ABCA5: variants seen among roughly 807,000 people sequenced by gnomAD.
ABCA5 encodes cholesterol transporter ABCA5.
In ABCA5, 163 loss-of-function variants were observed where a neutral mutation model predicts 206.0. The observed-to-expected ratio is 0.79, with a 90% CI of 0.70 to 0.90. The LOEUF is 0.90. Ranked by LOEUF, ABCA5 falls within the 40% of genes least tolerant of loss-of-function variation. The pLI is 0.00. For missense variants in ABCA5, 1,859 were observed against 1,912.9 expected (o/e 0.97, Z 0.53); for synonymous variants, 609 against 613.8 (o/e 0.99, Z 0.11).
intron 15 of ABCA5, 100 bp downstream of exon 15, chr17:69,287,513 G>A (rs1348554929): frequency 1.7e-5 from 24 of 1,410,872 alleles, no homozygotes; most frequent in Non-Finnish European, 2.1e-5. Context: ...ATACCACTAG[G>A]TAAAAGCTTC....
chr17:69,262,461 A>G (rs1022159183), intron 24 of ABCA5, among the ~76,000 whole-genome samples: 1 of 151,998 alleles, frequency 6.6e-6, no homozygotes, highest in African/African-American at 2.4e-5. Context: ...TTTAGCTCCC[A>G]TTTATAAGTG....
chr17:69,306,817 A>C lies in ABCA5; in HGVS notation c.696T>G (p.Phe232Leu). ...LIYLVIAFSP[F>L]GYFLAIHIVA... ...CGATATGAATTGCCAAAAAGTATCC[A>C]AAAGGTGAAAATGCTATAACTAGGT... The change falls in exon 6 of 39, where the codon TTT becomes TTG. Residue 232 changes from phenylalanine to leucine, a missense_variant. By Grantham distance (22) the Phe-to-Leu change is conservative. Transcript: ENST00000392676. 6.3e-7 allele frequency: 1 copy of C among 1,598,696 alleles called. No homozygotes were observed. Among genetic ancestry groups the C allele is most frequent in the South Asian group, 1.1e-5 (1 of 87,816 alleles).
Position 69,291,196 on chromosome 17 carries a change from C to A in ABCA5, c.1606+20G>T. Reference sequence around the variant, plus strand: ...AATATATATAATGAAGTTTTTTTTTCTTTAAGACAGAAAACTCACCATCAG... The same window carrying A: ...AATATATATAATGAAGTTTTTTTTTATTTAAGACAGAAAACTCACCATCAG... On this transcript the variant is annotated intron_variant, in intron 12 of 38. Transcript: ENST00000392676. The A allele has an allele frequency of 7.0e-7, 1 of 1,421,002 alleles. No homozygotes were observed. Among genetic ancestry groups the A allele is most frequent in the Non-Finnish European group, 9.6e-7 (1 of 1,046,076 alleles). 88.0% of individuals were successfully genotyped at this position (1,421,002 alleles called of 1,614,324 possible).
chr17:69,259,685 A>T lies in ABCA5; in HGVS notation c.3731+21T>A, dbSNP rs1350361682. 2.0e-6 allele frequency: 3 copies of T among 1,513,688 alleles called. No individual in the cohort carries two copies. In the Admixed American group the frequency reaches 5.3e-5, roughly 27 times the overall value. 93.8% of individuals were successfully genotyped at this position (1,513,688 alleles called of 1,614,324 possible). A position where few individuals can be genotyped will look rare whatever the true frequency, so the allele number is the denominator to read the frequency against. ...TGTAAATATACTAAAAACATTTAAA[A>T]TTTTTAAAAAATCAACTGACCTGAA... On this transcript the variant is annotated intron_variant, in intron 28 of 38. Transcript: ENST00000392676.
chr17:69,274,528 T>C (rs1272731384), intron 19 of ABCA5, among the ~76,000 whole-genome samples: 1 of 151,536 alleles, frequency 6.6e-6, no homozygotes, highest in Non-Finnish European at 1.5e-5. Context: ...CCAGCCTACA[T>C]TGGTATAGAT....
At chr17:69,284,916 A>G (rs2075433608) in intron 17 of ABCA5, among the ~76,000 whole-genome samples, 1 of 152,210 alleles carries the variant, frequency 6.6e-6, no homozygotes, top group South Asian at 2.1e-4. Context: ...TGTGAAATCC[A>G]GTGAAATACC....
At position 69,253,614 on chromosome 17, in the gene ABCA5, T is replaced by C. The variant is rs2075041472; in HGVS notation, c.4374A>G (p.Glu1458=). The change falls in exon 34 of 39, where the codon GAA becomes GAG. Residue 1458 remains glutamate, a synonymous_variant. Coordinates refer to ENST00000392676, the MANE Select transcript of ABCA5 (RefSeq NM_172232.4). ...CTTTGGGATCCATACCTGTAGATGG[T>C]TCATCTAGCAAAGTAATCTGAGGAT... ...LGNPQITLLD[E]PSTGMDPKAK... 2.5e-6 allele frequency: 4 copies of C among 1,613,844 alleles called. No individual in the cohort carries two copies. Among genetic ancestry groups the C allele is most frequent in the Non-Finnish European group, 3.4e-6 (4 of 1,179,840 alleles).
In ABCA5 at chr17:69,289,905, A is replaced by G. The variant is rs773410478; in HGVS notation, c.1739T>C (p.Leu580Ser). 1.2e-6 allele frequency: 2 copies of G among 1,611,506 alleles called. No individual in the cohort carries two copies. ...VLTVEENLSI[L>S]ASIKGIPANN... ...GGCTGGTATCCCTTTGATTGAAGCC[A>G]AAATTGATAAATTTTCTTCTACTGT... The change falls in exon 13 of 39, where the codon TTG becomes TCG. Residue 580 changes from leucine (L) to serine (S), a missense_variant. By Grantham distance (145) the Leu-to-Ser change is moderately radical. Transcript: ENST00000392676.
At chr17:69,303,543 A>C (rs141098238) in intron 7 of ABCA5, among the ~76,000 whole-genome samples, 240 of 150,918 alleles carry the variant, frequency 1.6e-3, no homozygotes, top group African/African-American at 5.7e-3. Context: ...ATGTGAAAAA[A>C]TAATAAATCA....
rs5821707 is a variant in ABCA5, at chr17:69,318,114, A to AT, written c.-15-3685dup. Among the ~76,000 whole-genome samples, 310 of 146,596 alleles carry AT rather than the reference A, an allele frequency of 2.1e-3. 3 individuals carry two copies. Among genetic ancestry groups the AT allele is most frequent in the African/African-American group, 7.0e-3 (280 of 39,982 alleles). ...TACACCTAAATAAAGAAAACTCACA[A>AT]TTTTTTTTTTTTTTTGAGATGGAGT... On this transcript the variant is annotated intron_variant, in intron 1 of 38. Transcript: ENST00000392676.
chr17:69,318,444 A>T (rs2075835808), intron 1 of ABCA5, among the ~76,000 whole-genome samples: 1 of 152,156 alleles, frequency 6.6e-6, no homozygotes, highest in Admixed American at 6.5e-5. Flanking sequence ...TATATAATTA[A>T]AGTTTGGCTT....
At chr17:69,304,153 A>G (rs2075691624) in intron 7 of ABCA5, 1 of 152,126 alleles carries the variant, frequency 6.6e-6, no homozygotes, top group South Asian at 2.1e-4. Context: ...AAAACATTTA[A>G]CAACTGATAC....
At chr17:69,304,892 AT>A (rs1326451588) in intron 6 of ABCA5, 82 bp from the exon 7 acceptor site, 51 of 1,251,042 alleles carry the variant, frequency 4.1e-5, no homozygotes, top group Non-Finnish European at 5.3e-5. Context: ...AAATTTTTAG[AT>A]TTTAGCCATT....
At chr17:69,301,631 T>A (rs1246145950) in intron 8 of ABCA5, among the ~76,000 whole-genome samples, 1 of 152,062 alleles carries the variant, frequency 6.6e-6, no homozygotes, top group Non-Finnish European at 1.5e-5. Context: ...AACAAAAGGG[T>A]TATGATCCAT....
Position 69,308,265 on chromosome 17 carries a change from CT to C in ABCA5, c.558+14del, listed in dbSNP as rs1422859400. Reference sequence around the variant, plus strand: ...AATGGCATAGTTTTTGTATTTCTTCCTTTATCATATTTACCTGTATAATGGC... The same window carrying C: ...AATGGCATAGTTTTTGTATTTCTTCCTTATCATATTTACCTGTATAATGGC... On this transcript the variant is annotated intron_variant, in intron 5 of 38. Coordinates refer to ENST00000392676, the MANE Select transcript of ABCA5 (RefSeq NM_172232.4). 4.6e-6 allele frequency: 7 copies of C among 1,509,060 alleles called. No homozygotes were observed. In the African/African-American group the frequency reaches 9.7e-5, roughly 21 times the overall value. The allele number at this position is 1,509,060 out of a possible 1,614,324, so 93.5% of individuals were successfully genotyped here. A position where few individuals can be genotyped will look rare whatever the true frequency, so the allele number is the denominator to read the frequency against.
At chr17:69,268,442 A>G (rs543220246) in intron 22 of ABCA5, among the ~76,000 whole-genome samples, 2 of 152,034 alleles carry the variant, frequency 1.3e-5, no homozygotes, top group South Asian at 2.1e-4. Context: ...TCTAAGAATG[A>G]TATTTGTTGC....
In ABCA5 at chr17:69,314,300, GTTAT is replaced by G. The variant is rs752307555; in HGVS notation, c.102+10_102+13del. The G allele has an allele frequency of 1.5e-5, 23 of 1,551,700 alleles. No homozygotes were observed. The African/African-American group carries it at 2.9e-4, about 19-fold the overall frequency. On this transcript the variant is annotated intron_variant, in intron 2 of 38. Coordinates refer to ENST00000392676, the MANE Select transcript of ABCA5 (RefSeq NM_172232.4). Reference sequence around the variant, plus strand: ...AAACTGCAAAAAAGCATAAGAAAGAGTTATTTAACTTACCTGAACACTACTCTTT... The same window carrying G: ...AAACTGCAAAAAAGCATAAGAAAGAGTTAACTTACCTGAACACTACTCTTT...
rs561364450 is a variant in ABCA5 at position 69,278,728 on chromosome 17, T to G, written c.2393-886A>C. ...TTCCAAATGTATTTGGAATAAAAAT[T>G]TATTTACGTACTTTATGTTAAAATT... On this transcript the variant is annotated intron_variant, in intron 18 of 38. Transcript: ENST00000392676. 7.9e-5 allele frequency among the ~76,000 whole-genome samples: 12 copies of G among 152,290 alleles called. No individual in the cohort carries two copies. In the South Asian group the frequency reaches 1.0e-3, roughly 13 times the overall value.
At chr17:69,273,271 T>C (rs520754) in intron 20 of ABCA5, among the ~76,000 whole-genome samples, 147,867 of 152,016 alleles carry the variant, frequency 0.97, 72,053 homozygotes, top group Middle Eastern at 1. Context: ...AACACTTCTA[T>C]GCAGACACAT....
Sources: gnomAD v4.1 joint callset for allele counts (sites outside exome capture counted in the v4.1 genomes callset) on GRCh38, gnomAD v4.1.1 for gene constraint, MANE v1.5 for transcripts, NCBI Gene and HGNC (gene_info 2026-07-23, HGNC 2026-07-21) for gene names.